Variants in PHLPP1 observed in about 807,000 individuals in gnomAD.
The protein encoded by PHLPP1 is PH domain leucine-rich repeat-containing protein phosphatase 1.
In PHLPP1, 42 loss-of-function variants were observed where a neutral mutation model predicts 117.2. That is an observed-to-expected ratio of 0.36 (90% CI 0.28 to 0.46). PHLPP1 has a LOEUF of 0.46. PHLPP1 is among the 20% of genes least tolerant of loss of function. PHLPP1 has a pLI of 1.00. For missense variants in PHLPP1, 2,084 were observed against 2,241.9 expected (o/e 0.93, Z 1.42); for synonymous variants, 1,042 against 970.7 (o/e 1.07, Z -1.37).
rs1910721859 is a variant in PHLPP1, at chr18:62,716,130, G to C, written c.447G>C (p.Ser149=). Residue 149 remains serine (S), a synonymous_variant, in exon 1 of 17, where the codon TCG becomes TCC. Transcript: ENST00000262719. This position sits in a 1 kb window ranked among gnomAD's most constrained non-coding sequence, Gnocchi z 5.7. ...SSSSSSAAAA[S]HSPGAAGLPA... ...CGTCGTCCTCGGCCGCTGCTGCCTC[G>C]CACTCCCCCGGCGCTGCCGGCCTCC... The C allele has an allele frequency of 1.3e-6, 2 of 1,515,820 alleles. No homozygotes were observed. The highest frequency in any genetic ancestry group is 1.4e-5 in the African/African-American group (1 of 70,122). 93.9% of individuals were successfully genotyped at this position (1,515,820 alleles called of 1,614,324 possible). A position where few individuals can be genotyped will look rare whatever the true frequency, so the allele number is the denominator to read the frequency against.
Position 62,978,972 on chromosome 18 carries a change from G to A in PHLPP1, c.4695G>A (p.Val1565=). ...GVFTNGSRVE[V]EVDIHCSRAK... Reference sequence around the variant, plus strand: ...TCACCAACGGCAGCCGGGTGGAGGTGGAGGTGGACATCCACTGCAGCCGGG... The same window carrying A: ...TCACCAACGGCAGCCGGGTGGAGGTAGAGGTGGACATCCACTGCAGCCGGG... Residue 1565 remains valine, a synonymous_variant, in exon 17 of 17, where the codon GTG becomes GTA. Transcript: ENST00000262719. This position sits in a 1 kb window ranked among gnomAD's most constrained non-coding sequence, Gnocchi z 7.0. 1 of 1,611,606 alleles carries A rather than the reference G, an allele frequency of 6.2e-7. No homozygotes were observed. Among genetic ancestry groups the A allele is most frequent in the East Asian group, 2.2e-5 (1 of 44,798 alleles).
intron 2 of PHLPP1, among the ~76,000 whole-genome samples, chr18:62,835,468 G>A (rs1208487773): frequency 2.0e-5 from 3 of 152,008 alleles, no homozygotes; most frequent in Admixed American, 6.6e-5. Context: ...AAAGTGCTGG[G>A]ATTACAGGTG....
At chr18:62,777,505 A>G (rs879644784) in intron 1 of PHLPP1, among the ~76,000 whole-genome samples, 2 of 149,410 alleles carry the variant, frequency 1.3e-5, no homozygotes, top group African/African-American at 2.4e-5. Flanking sequence ...TTTATATTAT[A>G]TATTTTATTA....
chr18:62,782,468 A>G (rs555170978), intron 1 of PHLPP1, among the ~76,000 whole-genome samples: 18 of 152,368 alleles, frequency 1.2e-4, no homozygotes, highest in Admixed American at 5.2e-4. Context: ...GAAGGATTCA[A>G]TACTAAATAA....
intron 3 of PHLPP1, among the ~76,000 whole-genome samples, chr18:62,843,639 A>G (rs1406017573): frequency 6.6e-6 from 1 of 152,094 alleles, no homozygotes; most frequent in Non-Finnish European, 1.5e-5. Context: ...GAGGATTACT[A>G]TATTGGTTGT....
chr18:62,834,687 A>G (rs139498563), intron 2 of PHLPP1, among the ~76,000 whole-genome samples: 2 of 152,350 alleles, frequency 1.3e-5, no homozygotes, highest in Non-Finnish European at 2.9e-5. Context: ...TGTAATTGAC[A>G]ACAATAAACT....
In PHLPP1 at chr18:62,716,463, C is replaced by A. The variant is rs1910738584; in HGVS notation, c.780C>A (p.Pro260=). 7.9e-7 allele frequency: 1 copy of A among 1,262,060 alleles called. No homozygotes were observed. The highest frequency in any genetic ancestry group is 9.9e-7 in the Non-Finnish European group (1 of 1,007,512). 78.2% of individuals were successfully genotyped at this position (1,262,060 alleles called of 1,614,324 possible). The change falls in exon 1 of 17, where the codon CCC becomes CCA. Residue 260 remains proline (P), a synonymous_variant. Coordinates refer to ENST00000262719, the MANE Select transcript of PHLPP1 (RefSeq NM_194449.4). This position sits in a 1 kb window ranked among gnomAD's most constrained non-coding sequence, Gnocchi z 5.7. ...CCGGAGCCGCCGCCGCCCGGGAGCCCGCTGAACCGCCCCCCGAGGCCGGCC... is the reference window on the plus strand; with the variant it reads ...CCGGAGCCGCCGCCGCCCGGGAGCCAGCTGAACCGCCCCCCGAGGCCGGCC... ...QGPGAAAARE[P]AEPPPEAGPR...
chr18:62,965,452 C>CTTTTTTTT (rs34187461), intron 14 of PHLPP1, among the ~76,000 whole-genome samples: 12 of 76,140 alleles, frequency 1.6e-4, no homozygotes, highest in African/African-American at 2.2e-4. Context: ...TAATCAGCCT[C>CTTTTTTTT]TTTTTTTTTT....
At chr18:62,746,315 G>C (rs2122080083) in intron 1 of PHLPP1, among the ~76,000 whole-genome samples, 1 of 152,324 alleles carries the variant, frequency 6.6e-6, no homozygotes, top group Non-Finnish European at 1.5e-5. Context: ...AAAGTGCTGG[G>C]ATTACAGGCA....
Position 62,803,544 on chromosome 18 carries a change from G to A in PHLPP1, c.1577-26491G>A, listed in dbSNP as rs147988719. On this transcript the variant is annotated intron_variant, in intron 1 of 16. Coordinates refer to ENST00000262719, the MANE Select transcript of PHLPP1 (RefSeq NM_194449.4). ...TTTGCATGTAGGAGGTCATTGCTAT[G>A]TAGTTTTACATTGTATAATTATACC... is the stretch of plus-strand genomic sequence containing the variant. Among the ~76,000 whole-genome samples, 883 of 152,280 alleles carry A rather than the reference G, an allele frequency of 5.8e-3. 2 individuals are homozygous for A. Among genetic ancestry groups the A allele is most frequent in the Admixed American group, 8.9e-3 (136 of 15,286 alleles).
intron 6 of PHLPP1, among the ~76,000 whole-genome samples, chr18:62,898,823 A>T: frequency 6.6e-6 from 1 of 151,346 alleles, no homozygotes; most frequent in Admixed American, 6.6e-5. Context: ...ATTTTTTGAG[A>T]CGGAATTTCT....
chr18:62,785,720 C>T (rs912404152), intron 1 of PHLPP1, among the ~76,000 whole-genome samples: 4 of 152,116 alleles, frequency 2.6e-5, no homozygotes, highest in African/African-American at 9.7e-5. Flanking sequence ...GGGTCATTAC[C>T]GTTCATGCTG....
At chr18:62,764,323 CA>C (rs1237036113) in intron 1 of PHLPP1, among the ~76,000 whole-genome samples, 2 of 152,216 alleles carry the variant, frequency 1.3e-5, no homozygotes, top group Non-Finnish European at 2.9e-5. Context: ...CAGCCCCATC[CA>C]CTTTGGGTTC....
At chr18:62,918,429 A>ATATATATATATAT (rs1909364570) in intron 9 of PHLPP1, among the ~76,000 whole-genome samples, 1 of 140,458 alleles carries the variant, frequency 7.1e-6, no homozygotes, top group Non-Finnish European at 1.5e-5. Context: ...GTAAAGGATA[A>ATATATATATATAT]ATATATATAT....
At chr18:62,766,919 T>G (rs1447552167) in intron 1 of PHLPP1, among the ~76,000 whole-genome samples, 2 of 152,184 alleles carry the variant, frequency 1.3e-5, no homozygotes, top group Non-Finnish European at 2.9e-5. Flanking sequence ...AGATAAACTG[T>G]CTACAGATGT....
intron 1 of PHLPP1, among the ~76,000 whole-genome samples, chr18:62,756,986 A>G (rs1912045127): frequency 1.3e-5 from 2 of 152,192 alleles, no homozygotes; most frequent in Non-Finnish European, 1.5e-5. Flanking sequence ...TTTTGTCTCT[A>G]GAGGTGATGG....
At position 62,895,915 on chromosome 18, in the gene PHLPP1, C is replaced by G. The variant is rs556760541; in HGVS notation, c.2348C>G (p.Thr783Ser). ...ATTCCCGAAGTATTGGAGAAATTGA[C>G]TGCTGTGGATAAACTTTGTATGTCT... ...TDIPEVLEKL[T>S]AVDKLCMSGN... Residue 783 changes from threonine (T) to serine (S), a missense_variant, in exon 6 of 17, where the codon ACT becomes AGT. Around this residue, in one of 2 missense-constraint regions of PHLPP1, gnomAD observed 1,365 missense variants for 1,605.9 expected, o/e 0.85. Coordinates refer to ENST00000262719, the MANE Select transcript of PHLPP1 (RefSeq NM_194449.4). 5 of 1,613,586 alleles carry G rather than the reference C, an allele frequency of 3.1e-6. No individual in the cohort carries two copies. In the African/African-American group the frequency reaches 5.3e-5, roughly 17 times the overall value.
intron 7 of PHLPP1, among the ~76,000 whole-genome samples, chr18:62,903,760 A>C: frequency 6.7e-6 from 1 of 149,148 alleles, no homozygotes; most frequent in African/African-American, 2.5e-5. Flanking sequence ...ACAGAGCGAG[A>C]CCCTGTCTCA....
Position 62,945,261 on chromosome 18 carries a change from C to T in PHLPP1, c.3314C>T (p.Pro1105Leu). 1 of 1,602,158 alleles carries T rather than the reference C, an allele frequency of 6.2e-7. No homozygotes were observed. The highest frequency in any genetic ancestry group is 2.3e-5 in the East Asian group (1 of 44,414). The change falls in exon 12 of 17, where the codon CCA (proline) becomes CTA (leucine). Residue 1105 changes from proline to leucine, a missense_variant. This residue lies in a region of PHLPP1 where 1,365 missense variants were observed against 1,605.9 expected (regional missense o/e 0.85). Transcript: ENST00000262719. ...GTCTTTCCCGAAGTTATGCAGCTCC[C>T]AGAGATCAAGGTATGTGGTTTCATT... is the stretch of plus-strand genomic sequence containing the variant. ...IEVFPEVMQL[P>L]EIKCVDLSCN...
Sources: allele counts gnomAD v4.1 joint callset (sites outside exome capture counted in the v4.1 genomes callset), GRCh38; gene constraint gnomAD v4.1.1; regional missense constraint gnomAD v4.1.1; non-coding constraint Gnocchi (gnomAD v3.1); transcripts MANE v1.5; gene names NCBI Gene and HGNC (gene_info 2026-07-23, HGNC 2026-07-21).